CYP24A1: variants seen among roughly 807,000 people sequenced by gnomAD.
CYP24A1 encodes the protein cytochrome P450 family 24 subfamily A member 1, also known as 1,25-dihydroxyvitamin D(3) 24-hydroxylase, mitochondrial.
Under a neutral mutation model 62.4 loss-of-function variants are expected in CYP24A1, and 68 were observed. That is an observed-to-expected ratio of 1.09 (90% confidence interval 0.90 to 1.33). The LOEUF (loss-of-function observed/expected upper bound fraction) is 1.33. Among genes scored for constraint, CYP24A1 ranks in the 40% most tolerant of loss-of-function variants. CYP24A1 has a pLI of 0.00. For synonymous variants in CYP24A1, 267 were observed against 253.0 expected, an observed-to-expected ratio of 1.06 and a Z score of -0.52; for missense variants, 787 against 653.0, an observed-to-expected ratio of 1.21 and a Z score of -2.24.
At chr20:54,149,153 A>G (rs527702294), downstream of CYP24A1, among the ~76,000 whole-genome samples, 1 of 152,294 alleles carries the variant, frequency 6.6e-6, no homozygotes, top group South Asian at 2.1e-4. Flanking sequence ...CCTAGTTGTA[A>G]TGTTTACAAC....
In CYP24A1 at chr20:54,157,428, C is replaced by T. The variant is rs539392099; in HGVS notation, c.1394G>A (p.Arg465His). The T allele has an allele frequency of 1.2e-5, 19 of 1,606,138 alleles. No homozygotes were observed. Among genetic ancestry groups the T allele is most frequent in the African/African-American group, 5.3e-5 (4 of 74,894 alleles). Residue 465 changes from arginine to histidine, a missense_variant, in exon 10 of 12, where the codon CGC becomes CAC. Arg to His is a conservative substitution (Grantham distance 29). Coordinates refer to ENST00000216862, the MANE Select transcript of CYP24A1 (RefSeq NM_000782.5). Reference sequence around the variant, plus strand: ...ATGCAGTTGAAGCTCTGCTAATCGGCGACCAATGCACATTCTTTTTCCAAC... The same window carrying T: ...ATGCAGTTGAAGCTCTGCTAATCGGTGACCAATGCACATTCTTTTTCCAAC... ...FGVGKRMCIG[R>H]RLAELQLHLA...
intron 8 of CYP24A1, among the ~76,000 whole-genome samples, 167 bp downstream of exon 8, chr20:54,158,790 A>G (rs1185228487): frequency 6.6e-6 from 1 of 152,240 alleles, no homozygotes; most frequent in Non-Finnish European, 1.5e-5. Flanking sequence ...CAAATGATTT[A>G]GGAAATGAGT....
At chr20:54,169,728 G>T in intron 3 of CYP24A1, 40 bp from the exon 4 acceptor site, 1 of 1,612,602 alleles carries the variant, frequency 6.2e-7, no homozygotes, top group Non-Finnish European at 8.5e-7. Context: ...TTTTAAAGCC[G>T]TTGAAGGAAA....
Position 54,162,846 on chromosome 20 carries a change from G to A in CYP24A1, c.861C>T (p.Asp287=). ...GCTGAGAATACTTCTCTAACCGGTTGTCGATACAAGCTTTGACTATTAGAG... is the reference window on the plus strand; with the variant it reads ...GCTGAGAATACTTCTCTAACCGGTTATCGATACAAGCTTTGACTATTAGAG... ...TIFKSVKACI[D]NRLEKYSQQP... The change falls in exon 7 of 12, where the codon GAC becomes GAT. Residue 287 remains aspartate, a synonymous_variant. Coordinates refer to ENST00000216862, the MANE Select transcript of CYP24A1 (RefSeq NM_000782.5). The A allele has an allele frequency of 6.3e-7, 1 of 1,575,678 alleles. No homozygotes were observed. Among genetic ancestry groups the A allele is most frequent in the Non-Finnish European group, 8.7e-7 (1 of 1,145,194 alleles).
chr20:54,157,118 C>T, intron 11 of CYP24A1, 51 bp downstream of exon 11: 1 of 895,842 alleles, frequency 1.1e-6, no homozygotes. Context: ...TAGCTCATCC[C>T]TCGTCATTCT....
chr20:54,146,590 T>C, the CYP24A1 span, among the ~76,000 whole-genome samples: 1 of 152,224 alleles, frequency 6.6e-6, no homozygotes, highest in Non-Finnish European at 1.5e-5. Flanking sequence ...AAGTATGTCA[T>C]CAACTCTCAA....
At position 54,154,182 on chromosome 20, in the gene CYP24A1, A is replaced by G. The variant is rs1188202102; in HGVS notation, c.*590T>C. The stretch of plus-strand genomic sequence containing the variant: ...AGGAATCACATTTAAAAAATAAACA[A>G]TTTTAAGGTCCTCTAACAAAATAAT... On this transcript the variant is annotated 3_prime_UTR_variant, in exon 12 of 12. Coordinates refer to ENST00000216862, the MANE Select transcript of CYP24A1 (RefSeq NM_000782.5). 6.6e-6 allele frequency: 1 copy of G among 152,198 alleles called. No homozygotes were observed. Among genetic ancestry groups the G allele is most frequent in the Non-Finnish European group, 1.5e-5 (1 of 68,040 alleles). 9.4% of individuals were successfully genotyped at this position (152,198 alleles called of 1,614,324 possible). A position where few individuals can be genotyped will look rare whatever the true frequency, so the allele number is the denominator to read the frequency against.
the CYP24A1 span, among the ~76,000 whole-genome samples, chr20:54,145,510 A>G: frequency 6.6e-6 from 1 of 151,828 alleles, no homozygotes; most frequent in Non-Finnish European, 1.5e-5. Flanking sequence ...TGTGGTGGCA[A>G]GCACCTGTAA....
downstream of CYP24A1, among the ~76,000 whole-genome samples, chr20:54,151,034 T>C (rs1243455743): frequency 6.6e-6 from 1 of 152,212 alleles, no homozygotes; most frequent in African/African-American, 2.4e-5. Context: ...AATTTTTTTT[T>C]AAGTGAAAGC....
At chr20:54,172,534 G>T (rs1023266550) in intron 2 of CYP24A1, among the ~76,000 whole-genome samples, 7 of 152,312 alleles carry the variant, frequency 4.6e-5, no homozygotes, top group Middle Eastern at 6.8e-3. Context: ...GTGTTTCAGG[G>T]AGTTTTAAGG....
downstream of CYP24A1, among the ~76,000 whole-genome samples, chr20:54,149,989 G>T (rs568387566): frequency 1.3e-5 from 2 of 152,304 alleles, no homozygotes; most frequent in Admixed American, 6.5e-5. Flanking sequence ...AACACCGGAA[G>T]GAATCCTCTG....
At chr20:54,158,278 G>A in intron 8 of CYP24A1, 114 bp from the exon 9 acceptor site, 1 of 1,550,622 alleles carries the variant, frequency 6.4e-7, no homozygotes, top group East Asian at 2.3e-5. Context: ...TACTCAAAGA[G>A]GCAGCATGAT....
intron 2 of CYP24A1, among the ~76,000 whole-genome samples, chr20:54,172,619 C>G (rs548149322): frequency 6.6e-6 from 1 of 152,334 alleles, no homozygotes; most frequent in African/African-American, 2.4e-5. Context: ...AGTCTGAACA[C>G]CACAGTTGGT....
At chr20:54,169,029 A>G (rs896152243) in intron 4 of CYP24A1, among the ~76,000 whole-genome samples, 3 of 151,324 alleles carry the variant, frequency 2.0e-5, no homozygotes, top group Admixed American at 6.6e-5. Context: ...TCCCAAGTAG[A>G]TGGGACTACA....
chr20:54,152,170 C>A (rs145694921), downstream of CYP24A1, among the ~76,000 whole-genome samples: 1 of 152,168 alleles, frequency 6.6e-6, no homozygotes. Flanking sequence ...TGGCTGGCAC[C>A]TGCAGCCTTC....
chr20:54,161,537 A>C (rs2092650314), intron 7 of CYP24A1, among the ~76,000 whole-genome samples: 1 of 152,080 alleles, frequency 6.6e-6, no homozygotes, highest in South Asian at 2.1e-4. Flanking sequence ...GTAGGCACTC[A>C]ATAGTTCCTG....
rs946555320 is a variant in CYP24A1 at position 54,169,141 on chromosome 20, G to A, written c.640+451C>T. Among the ~76,000 whole-genome samples the A allele has an allele frequency of 1.7e-4, 25 of 151,512 alleles. 1 individual carries two copies. The highest frequency in any genetic ancestry group is 4.2e-4 in the South Asian group (2 of 4,788). ...TCAGATTCCTGGGCTGGCCTCAAGC[G>A]ATCTGCCCACCTCAGCCTCCCAAAG... On this transcript the variant is annotated intron_variant, in intron 4 of 11. Coordinates refer to ENST00000216862, the MANE Select transcript of CYP24A1 (RefSeq NM_000782.5).
intron 4 of CYP24A1, among the ~76,000 whole-genome samples, chr20:54,168,072 C>T (rs1314010182): frequency 6.6e-6 from 1 of 152,174 alleles, no homozygotes; most frequent in Admixed American, 6.5e-5. Context: ...CAGGGACACT[C>T]TCCTTCCTCC....
intron 8 of CYP24A1, among the ~76,000 whole-genome samples, 157 bp downstream of exon 8, chr20:54,158,800 T>G (rs1185842421): frequency 6.6e-6 from 1 of 152,216 alleles, no homozygotes; most frequent in Non-Finnish European, 1.5e-5. Context: ...AGGAAATGAG[T>G]GCCAGAAAAG....
Sources: gnomAD v4.1 joint callset for allele counts (sites outside exome capture counted in the v4.1 genomes callset) on GRCh38, gnomAD v4.1.1 for gene constraint, MANE v1.5 for transcripts, NCBI Gene and HGNC (gene_info 2026-07-23, HGNC 2026-07-21) for gene names.